IFT22: variants seen among roughly 807,000 people sequenced by gnomAD.
IFT22 encodes the protein intraflagellar transport protein 22 homolog.
In IFT22, 13 loss-of-function variants were observed where a neutral mutation model predicts 21.0. That is an observed-to-expected ratio of 0.62 (90% CI 0.40 to 0.98). The LOEUF is 0.98. Among genes scored for constraint, IFT22 ranks in the 50% least tolerant of loss-of-function variants. The probability of loss-of-function intolerance (pLI) is 0.00; values close to 1 mark genes in which losing one functional copy is unlikely to be tolerated. For synonymous variants in IFT22, 67 were observed against 82.4 expected (o/e 0.81, Z 1.01); for missense variants, 227 against 228.9 (o/e 0.99, Z 0.06).
intron 4 of IFT22, chr7:101,315,673 A>C: frequency 4.4e-6 from 1 of 226,564 alleles, no homozygotes; most frequent in Non-Finnish European, 8.6e-6. Context: ...AGCTACAAGG[A>C]TTTTCCCACT....
chr7:101,321,823 C>T (rs1457132916), upstream of IFT22: 5 of 1,086,960 alleles, frequency 4.6e-6, no homozygotes, highest in Middle Eastern at 2.3e-4. Flanking sequence ...GCAGGGCCGA[C>T]GGGACTCGGC....
intron 4 of IFT22, chr7:101,316,000 T>C (rs957486081): frequency 8.0e-4 from 95 of 118,980 alleles, no homozygotes; most frequent in African/African-American, 3.1e-3. Context: ...CTTTTCTCTT[T>C]TTTTTTTTTT....
intron 2 of IFT22, 57 bp downstream of exon 2, chr7:101,318,899 T>C: frequency 7.2e-7 from 1 of 1,392,988 alleles, no homozygotes; most frequent in Admixed American, 1.7e-5. Flanking sequence ...ATTAGAGGAA[T>C]GAGCCTCCCT....
At position 101,313,114 on chromosome 7, in the gene IFT22, G is replaced by C. The variant is rs151217146; in HGVS notation, c.*2020C>G. The stretch of plus-strand genomic sequence containing the variant: ...CTCCCAAAGTGTTGGGATTACAGGC[G>C]TAAGCCACTGCACCCGGCCTCCAGG... On this transcript the variant is annotated 3_prime_UTR_variant, in exon 5 of 5. Transcript: ENST00000315322. Among the ~76,000 whole-genome samples, 1 of 152,186 alleles carries C rather than the reference G, an allele frequency of 6.6e-6. No individual in the cohort carries two copies. The highest frequency in any genetic ancestry group is 2.4e-5 in the African/African-American group (1 of 41,436).
At chr7:101,319,096 C>A in intron 1 of IFT22, 64 bp from the exon 2 acceptor site, 1 of 1,549,488 alleles carries the variant, frequency 6.5e-7, no homozygotes, top group Non-Finnish European at 8.9e-7. Context: ...AAAAAAATGA[C>A]CCCAAGAGGT....
intron 1 of IFT22, 31 bp downstream of exon 1, chr7:101,321,640 G>T: frequency 6.3e-7 from 1 of 1,582,048 alleles, no homozygotes. Context: ...CCTGCTCCCC[G>T]CTCCCTCTGC....
At position 101,312,650 on chromosome 7, in the gene IFT22, C is replaced by T. The variant is rs1313848526; in HGVS notation, c.*2484G>A. Among the ~76,000 whole-genome samples the T allele has an allele frequency of 6.6e-6, 1 of 150,484 alleles. No individual in the cohort carries two copies. The highest frequency in any genetic ancestry group is 1.5e-5 in the Non-Finnish European group (1 of 67,734). ...TCCTGGGTTCAAGTGATTCTCCTCC[C>T]TCAGCTTCCTGAGTAGCTGGGATTA... On this transcript the variant is annotated 3_prime_UTR_variant, in exon 5 of 5. Transcript: ENST00000315322.
At chr7:101,317,871 A>G (rs562583420) in intron 3 of IFT22, among the ~76,000 whole-genome samples, 76 of 152,104 alleles carry the variant, frequency 5.0e-4, no homozygotes, top group Non-Finnish European at 9.9e-4. Flanking sequence ...TCCAGGTTCA[A>G]GCAGTTCTCC....
intron 3 of IFT22, among the ~76,000 whole-genome samples, chr7:101,317,385 G>T (rs922515876): frequency 1.3e-5 from 2 of 151,848 alleles, no homozygotes; most frequent in Non-Finnish European, 2.9e-5. Context: ...CTGAGCTCTG[G>T]TGATCTCCCA....
chr7:101,312,597 G>A lies in IFT22; in HGVS notation c.*2537C>T, dbSNP rs1427476162. Among the ~76,000 whole-genome samples the A allele has an allele frequency of 7.0e-6, 1 of 143,334 alleles. No individual in the cohort carries two copies. The highest frequency in any genetic ancestry group is 1.5e-5 in the Non-Finnish European group (1 of 66,392). The allele number at this position is 143,334 out of a possible 152,430, so 94.0% of individuals were successfully genotyped here. A position where few individuals can be genotyped will look rare whatever the true frequency, so the allele number is the denominator to read the frequency against. ...GTTGCCGAGGCTGGAGAGCAGTGGC[G>A]CGATCTTGGCTCACTGCAACCTCTG... On this transcript the variant is annotated 3_prime_UTR_variant, in exon 5 of 5. Coordinates refer to ENST00000315322, the MANE Select transcript of IFT22 (RefSeq NM_022777.4).
At position 101,314,822 on chromosome 7, in the gene IFT22, C is replaced by T. The variant is rs764044976; in HGVS notation, c.*312G>A. The stretch of plus-strand genomic sequence containing the variant: ...AAACTACTGTTGTATCATTGGGCTG[C>T]GACGGTTACAAGTCCACAAACTGTT... On this transcript the variant is annotated 3_prime_UTR_variant, in exon 5 of 5. Coordinates refer to ENST00000315322, the MANE Select transcript of IFT22 (RefSeq NM_022777.4). 3.5e-5 allele frequency: 10 copies of T among 288,700 alleles called. No individual in the cohort carries two copies. The highest frequency in any genetic ancestry group is 6.5e-5 in the Non-Finnish European group (10 of 153,360). The allele number at this position is 288,700 out of a possible 1,614,324, so 17.9% of individuals were successfully genotyped here. A position where few individuals can be genotyped will look rare whatever the true frequency, so the allele number is the denominator to read the frequency against.
intron 4 of IFT22, chr7:101,316,135 A>C: frequency 1.8e-6 from 1 of 549,300 alleles, no homozygotes; most frequent in Middle Eastern, 5.0e-4. Flanking sequence ...AGTAGCTGGG[A>C]GTACAGGCGC....
intron 3 of IFT22, among the ~76,000 whole-genome samples, chr7:101,317,198 G>A (rs1288661308): frequency 7.9e-5 from 12 of 151,824 alleles, no homozygotes; most frequent in East Asian, 1.9e-4. Context: ...TGGCTCTGTC[G>A]CCCAGGCTTG....
Position 101,315,218 on chromosome 7 carries a change from C to G in IFT22, c.474G>C (p.Arg158=). The stretch of plus-strand genomic sequence containing the variant: ...TTTTTAAATACTTTATGAATTCCAT[C>G]CGGATCTCCTCAGGGTCATCTTCCA... ...SNLEDDPEEI[R]MEFIKYLKSI... The change falls in exon 5 of 5, where the codon CGG becomes CGC. Residue 158 remains arginine, a synonymous_variant. Transcript: ENST00000315322. 1 of 1,614,130 alleles carries G rather than the reference C, an allele frequency of 6.2e-7. No individual in the cohort carries two copies. Among genetic ancestry groups the G allele is most frequent in the Non-Finnish European group, 8.5e-7 (1 of 1,180,010 alleles).
chr7:101,315,259 G>C lies in IFT22; in HGVS notation c.433C>G (p.Leu145Val). Residue 145 changes from leucine to valine, a missense_variant, in exon 5 of 5, where the codon CTG becomes GTG. Coordinates refer to ENST00000315322, the MANE Select transcript of IFT22 (RefSeq NM_022777.4). Reference protein sequence around the residue: ...SLSPPLNKLKLVHSNLEDDPE... With the variant: ...SLSPPLNKLKVVHSNLEDDPE... Reference sequence around the variant, plus strand: ...TCATCTTCCAGGTTTGAGTGCACCAGCTTCAGCTTGTTCAAGGGTGGCGCT... The same window carrying C: ...TCATCTTCCAGGTTTGAGTGCACCACCTTCAGCTTGTTCAAGGGTGGCGCT... 1 of 1,614,140 alleles carries C rather than the reference G, an allele frequency of 6.2e-7. No homozygotes were observed. Among genetic ancestry groups the C allele is most frequent in the Non-Finnish European group, 8.5e-7 (1 of 1,180,032 alleles).
At chr7:101,316,841 G>A (rs1452799114) in intron 3 of IFT22, among the ~76,000 whole-genome samples, 4 of 152,182 alleles carry the variant, frequency 2.6e-5, no homozygotes, top group Middle Eastern at 6.8e-3. Flanking sequence ...GGAGAATGGC[G>A]TGAACCCAGG....
chr7:101,315,551 G>A, intron 4 of IFT22: 1 of 457,206 alleles, frequency 2.2e-6, no homozygotes, highest in Non-Finnish European at 3.9e-6. Context: ...TATTTTGTGA[G>A]TTCTTTTTCA....
rs1187766775 is a variant in IFT22, at chr7:101,318,856, G to A, written c.116+100C>T. The A allele has an allele frequency of 3.7e-5, 34 of 914,992 alleles. No homozygotes were observed. The Admixed American group carries it at 4.1e-4, about 11-fold the overall frequency. 56.7% of individuals were successfully genotyped at this position (914,992 alleles called of 1,614,324 possible). A position where few individuals can be genotyped will look rare whatever the true frequency, so the allele number is the denominator to read the frequency against. ...TCCCTATATTGCCCAGGCCTCAGGC[G>A]ATCCTCCCGCTTTGACCTCCCAGAG... On this transcript the variant is annotated intron_variant, in intron 2 of 4. Coordinates refer to ENST00000315322, the MANE Select transcript of IFT22 (RefSeq NM_022777.4).
chr7:101,318,832 C>T, intron 2 of IFT22, 124 bp downstream of exon 2: 1 of 709,110 alleles, frequency 1.4e-6, no homozygotes, highest in South Asian at 1.6e-5. Context: ...GACGGGGTCT[C>T]CCTATATTGC....
Sources: allele counts gnomAD v4.1 joint callset (sites outside exome capture counted in the v4.1 genomes callset), GRCh38; gene constraint gnomAD v4.1.1; transcripts MANE v1.5; gene names NCBI Gene and HGNC (gene_info 2026-07-23, HGNC 2026-07-21).